Variants in ADAMTSL1 observed in about 807,000 individuals in gnomAD.
ADAMTSL1 encodes ADAMTS like 1, also known as ADAMTS-like protein 1.
In ADAMTSL1, 126 loss-of-function variants were observed where a neutral mutation model predicts 201.8. The observed-to-expected ratio is 0.62, with a 90% CI of 0.54 to 0.72. The LOEUF (loss-of-function observed/expected upper bound fraction) is 0.72. Among genes scored for constraint, ADAMTSL1 ranks in the 30% least tolerant of loss-of-function variants. The pLI, the probability that ADAMTSL1 is intolerant of heterozygous loss-of-function variation, is 0.00. For missense variants in ADAMTSL1, 2,679 were observed against 2,277.8 expected, an observed-to-expected ratio of 1.18 and a Z score of -3.59; for synonymous variants, 1,121 against 903.4, an observed-to-expected ratio of 1.24 and a Z score of -4.32.
intron 4 of ADAMTSL1, among the ~76,000 whole-genome samples, chr9:18,585,822 T>C (rs1244076848): frequency 6.6e-6 from 1 of 152,166 alleles, no homozygotes; most frequent in Admixed American, 6.6e-5. Flanking sequence ...ATAAATGTTA[T>C]TCATCACATA....
chr9:18,675,868 A>G lies in ADAMTSL1; in HGVS notation c.1097A>G (p.Lys366Arg). 6.2e-7 allele frequency: 1 copy of G among 1,613,274 alleles called. No individual in the cohort carries two copies. The highest frequency in any genetic ancestry group is 8.5e-7 in the Non-Finnish European group (1 of 1,179,360). ...LDPCPASDGY[K>R]QIMPYDLYHP... is the part of the protein sequence containing the mutation. ...ATTGTTCCTAACAGTGACGGATACA[A>G]GCAGATCATGCCTTATGACCTCTAC... is the stretch of plus-strand genomic sequence containing the variant. The change falls in exon 10 of 29, where the codon AAG (lysine) becomes AGG (arginine). Residue 366 changes from lysine (K) to arginine (R), a missense_variant. Transcript: ENST00000380548.
intron 23 of ADAMTSL1, among the ~76,000 whole-genome samples, chr9:18,864,406 G>A (rs955126139): frequency 6.6e-6 from 1 of 152,174 alleles, no homozygotes; most frequent in African/African-American, 2.4e-5. Context: ...ATGAATGCCT[G>A]AGCTGGCTTG....
chr9:18,336,076 T>C (rs967440539), intron 2 of ADAMTSL1, among the ~76,000 whole-genome samples: 12 of 152,148 alleles, frequency 7.9e-5, no homozygotes, highest in Non-Finnish European at 1.2e-4. Context: ...GCACATAGCA[T>C]AAACTGGAAT....
chr9:18,260,882 T>C (rs893187432), intron 2 of ADAMTSL1, among the ~76,000 whole-genome samples: 1 of 152,174 alleles, frequency 6.6e-6, no homozygotes, highest in Non-Finnish European at 1.5e-5. Flanking sequence ...TGGTTTTACT[T>C]TACTGTTAAA....
rs181653269 is a variant in ADAMTSL1, at chr9:18,659,090, T to C, written c.946+1340T>C. The stretch of plus-strand genomic sequence containing the variant: ...GTCTATTCTTTTGAAAATTAGCACA[T>C]CAAATAAATTCTAGCTCTAGTTTCA... On this transcript the variant is annotated intron_variant, in intron 8 of 28. Coordinates refer to ENST00000380548, the MANE Select transcript of ADAMTSL1 (RefSeq NM_001040272.6). Among the ~76,000 whole-genome samples the C allele has an allele frequency of 1.6e-4, 24 of 152,316 alleles. 1 individual carries two copies. In the East Asian group the frequency reaches 3.9e-3, roughly 24 times the overall value.
At chr9:18,404,632 CTTAA>C (rs1818114327) in intron 2 of ADAMTSL1, among the ~76,000 whole-genome samples, 1 of 152,180 alleles carries the variant, frequency 6.6e-6, no homozygotes, top group Non-Finnish European at 1.5e-5. Flanking sequence ...GTCTGAATAT[CTTAA>C]TTAGTTTTTC....
At chr9:18,111,640 AC>A (rs1200949654) in intron 1 of ADAMTSL1, among the ~76,000 whole-genome samples, 1 of 152,222 alleles carries the variant, frequency 6.6e-6, no homozygotes, top group African/African-American at 2.4e-5. Context: ...TCCACTTTAG[AC>A]TGACCGCCAT....
intron 2 of ADAMTSL1, among the ~76,000 whole-genome samples, chr9:18,326,805 T>G (rs576800730): frequency 6.6e-6 from 1 of 152,206 alleles, no homozygotes; most frequent in African/African-American, 2.4e-5. Flanking sequence ...TCAGAATGCA[T>G]TTTTCCTAAT....
chr9:18,699,236 G>A (rs955382068), intron 13 of ADAMTSL1, among the ~76,000 whole-genome samples: 7 of 152,014 alleles, frequency 4.6e-5, no homozygotes, highest in Admixed American at 6.6e-5. Flanking sequence ...CCAAAAGAGC[G>A]TCATTGTCAT....
intron 25 of ADAMTSL1, 85 bp downstream of exon 25, chr9:18,889,833 AG>A: frequency 7.5e-7 from 1 of 1,333,312 alleles, no homozygotes; most frequent in Middle Eastern, 2.7e-4. Flanking sequence ...GCCCTTCAGT[AG>A]CACTGTGCAG....
At chr9:18,611,496 CA>C (rs1386183427) in intron 4 of ADAMTSL1, among the ~76,000 whole-genome samples, 3 of 152,052 alleles carry the variant, frequency 2.0e-5, no homozygotes, top group African/African-American at 2.4e-5. Context: ...AAAAACAATA[CA>C]CAAAAAAATC....
chr9:18,082,419 C>T (rs1409632386), intron 1 of ADAMTSL1, among the ~76,000 whole-genome samples: 1 of 152,196 alleles, frequency 6.6e-6, no homozygotes, highest in Non-Finnish European at 1.5e-5. Flanking sequence ...TCAAGTGATT[C>T]TTCTGCCTCA....
chr9:18,523,499 G>T (rs1352268092), intron 2 of ADAMTSL1, among the ~76,000 whole-genome samples: 1 of 152,144 alleles, frequency 6.6e-6, no homozygotes, highest in African/African-American at 2.4e-5. Context: ...TGGTGTTTTA[G>T]ACATGAAGTC....
intron 14 of ADAMTSL1, among the ~76,000 whole-genome samples, chr9:18,712,109 T>A (rs1223271450): frequency 7.1e-6 from 1 of 140,900 alleles, no homozygotes; most frequent in Non-Finnish European, 1.6e-5. Flanking sequence ...ATCACCATCA[T>A]CAAAGACCAA....
intron 1 of ADAMTSL1, among the ~76,000 whole-genome samples, chr9:18,141,574 C>T (rs551590205): frequency 6.6e-5 from 10 of 152,330 alleles, no homozygotes; most frequent in African/African-American, 2.2e-4. Context: ...ACCCTACCTG[C>T]ACAGCCTGGT....
intron 2 of ADAMTSL1, among the ~76,000 whole-genome samples, chr9:18,168,524 A>T (rs1827738481): frequency 6.6e-6 from 1 of 151,662 alleles, no homozygotes; most frequent in South Asian, 2.1e-4. Flanking sequence ...CCAGTCTATC[A>T]TTGTTGGACA....
At chr9:18,185,077 T>A (rs191431313) in intron 2 of ADAMTSL1, among the ~76,000 whole-genome samples, 2 of 152,296 alleles carry the variant, frequency 1.3e-5, no homozygotes, top group Non-Finnish European at 2.9e-5. Flanking sequence ...TTAATCTCTA[T>A]GGCTCAAAGA....
chr9:18,547,545 G>A (rs1820539566), intron 3 of ADAMTSL1, among the ~76,000 whole-genome samples: 1 of 147,534 alleles, frequency 6.8e-6, no homozygotes, highest in Non-Finnish European at 1.5e-5. Context: ...TTCCTTCACA[G>A]AAGAAGCAGG....
In ADAMTSL1 at chr9:18,466,462, G is replaced by T. The variant is rs972957796; in HGVS notation, c.208-38367G>T. Among the ~76,000 whole-genome samples, 3 of 151,950 alleles carry T rather than the reference G, an allele frequency of 2.0e-5. No homozygotes were observed. The South Asian group carries it at 6.2e-4, about 32-fold the overall frequency. On this transcript the variant is annotated intron_variant, in intron 2 of 29. Transcript: ENST00000680146. ...TTCAAGTAGGAAAGATGAAATACCC[G>T]GTTTTACCCACAAATTCCGTGTCCT...
Sources: allele counts gnomAD v4.1 joint callset (sites outside exome capture counted in the v4.1 genomes callset), GRCh38; gene constraint gnomAD v4.1.1; transcripts MANE v1.5; gene names NCBI Gene and HGNC (gene_info 2026-07-23, HGNC 2026-07-21).